RIOK3: variants seen among roughly 807,000 people sequenced by gnomAD.
RIOK3 encodes serine/threonine-protein kinase RIO3.
Under a neutral mutation model 63.5 loss-of-function variants are expected in RIOK3, and 40 were observed. That is an observed-to-expected ratio of 0.63 (90% CI 0.49 to 0.82). RIOK3 has a LOEUF of 0.82. Among genes scored for constraint, RIOK3 ranks in the 40% least tolerant of loss-of-function variants. The pLI, the probability that RIOK3 is intolerant of heterozygous loss-of-function variation, is 0.00. For missense variants in RIOK3, 557 were observed against 637.0 expected (o/e 0.87, Z 1.35); for synonymous variants, 193 against 205.0 (o/e 0.94, Z 0.50).
intron 9 of RIOK3, 59 bp downstream of exon 9, chr18:23,475,166 T>C: frequency 7.0e-7 from 1 of 1,431,362 alleles, no homozygotes; most frequent in East Asian, 2.3e-5. Context: ...TCCTCTAAAC[T>C]TTAAAAAAAT....
At chr18:23,458,473 G>T (rs746428712) in intron 1 of RIOK3, among the ~76,000 whole-genome samples, 1 of 152,170 alleles carries the variant, frequency 6.6e-6, no homozygotes, top group Non-Finnish European at 1.5e-5. Context: ...GAACCAGGAG[G>T]CTGGTTAAAA....
rs534065110 is a variant in RIOK3 at position 23,464,244 on chromosome 18, T to C, written c.364T>C (p.Tyr122His). The C allele has an allele frequency of 1.5e-5, 24 of 1,614,050 alleles. No individual in the cohort carries two copies. The highest frequency in any genetic ancestry group is 2.0e-5 in the Non-Finnish European group (24 of 1,180,006). Residue 122 changes from tyrosine to histidine, a missense_variant, in exon 4 of 13, where the codon TAT (tyrosine) becomes CAT (histidine). Physicochemically the swap from Tyr to His is moderately conservative, Grantham distance 83. Transcript: ENST00000339486. ...SFENYRKVHP[Y>H]EDSDSSEDEV... is the part of the protein sequence containing the mutation. ...TGAAAATTATCGAAAAGTGCATCCT[T>C]ATGAAGACAGCGATAGCTCTGAAGA...
chr18:23,456,282 C>T (rs1397289704), intron 1 of RIOK3: 1 of 152,106 alleles, frequency 6.6e-6, no homozygotes, highest in East Asian at 1.9e-4. Context: ...CCCCAAATGT[C>T]TTTTGTTTAC....
In RIOK3 at chr18:23,481,381, G is replaced by A. The variant is rs530496102; in HGVS notation, c.*102G>A. 3.9e-4 allele frequency: 267 copies of A among 682,576 alleles called. 1 individual carries two copies. The highest frequency in any genetic ancestry group is 5.7e-4 in the Non-Finnish European group (234 of 409,822). The allele number at this position is 682,576 out of a possible 1,614,324, so 42.3% of individuals were successfully genotyped here. A position where few individuals can be genotyped will look rare whatever the true frequency, so the allele number is the denominator to read the frequency against. ...TGAAATACCAAAACCTGAGGAGTGG[G>A]CAATGGTGCTTCTGTGCTTTTCCCC... On this transcript the variant is annotated 3_prime_UTR_variant, in exon 13 of 13. Coordinates refer to ENST00000339486, the MANE Select transcript of RIOK3 (RefSeq NM_003831.5).
At chr18:23,479,512 C>T in intron 12 of RIOK3, 88 bp downstream of exon 12, 1 of 677,596 alleles carries the variant, frequency 1.5e-6, no homozygotes, top group South Asian at 2.0e-5. Flanking sequence ...GTTTTATCCT[C>T]CCTTTCCCCC....
chr18:23,469,839 A>C (rs2047683), intron 7 of RIOK3, among the ~76,000 whole-genome samples: 23,901 of 152,036 alleles, frequency 0.16, 2,998 homozygotes, highest in East Asian at 0.34. Context: ...ACAATTATTC[A>C]AACAGTAATT....
chr18:23,478,477 T>C (rs1372405395), intron 11 of RIOK3, among the ~76,000 whole-genome samples: 1 of 151,326 alleles, frequency 6.6e-6, no homozygotes, highest in African/African-American at 2.4e-5. Flanking sequence ...TGGGAGGCTG[T>C]TTTACTAGGG....
chr18:23,456,028 C>T (rs1461893609), intron 1 of RIOK3, among the ~76,000 whole-genome samples: 1 of 152,186 alleles, frequency 6.6e-6, no homozygotes, highest in African/African-American at 2.4e-5. Context: ...GATCTCTTGA[C>T]ATTGTGATCC....
intron 5 of RIOK3, among the ~76,000 whole-genome samples, chr18:23,465,413 A>G (rs2145680432): frequency 6.6e-6 from 1 of 152,314 alleles, no homozygotes; most frequent in South Asian, 2.1e-4. Flanking sequence ...TCCTTCATAA[A>G]TATTGTGGTT....
At chr18:23,470,256 C>T (rs2145690811) in intron 7 of RIOK3, among the ~76,000 whole-genome samples, 1 of 151,848 alleles carries the variant, frequency 6.6e-6, no homozygotes, top group South Asian at 2.1e-4. Context: ...CTCCCAGCTA[C>T]TTGGGAGGCT....
chr18:23,464,175 A>C lies in RIOK3; in HGVS notation c.326-31A>C. ...AGAAAACACTCATAATGTGCTCCTA[A>C]GTAAATCTTCAACTATTTTTGCTTC... On this transcript the variant is annotated intron_variant, in intron 3 of 12. Coordinates refer to ENST00000339486, the MANE Select transcript of RIOK3 (RefSeq NM_003831.5). 1.9e-6 allele frequency: 3 copies of C among 1,610,258 alleles called. No homozygotes were observed. The South Asian group carries it at 3.3e-5, about 18-fold the overall frequency.
intron 9 of RIOK3, among the ~76,000 whole-genome samples, 153 bp downstream of exon 9, chr18:23,475,260 G>C (rs2057481819): frequency 6.6e-6 from 1 of 152,092 alleles, no homozygotes. Flanking sequence ...CTTGAGCCCA[G>C]GAGTTTGAGA....
At chr18:23,456,170 A>G (rs779206411) in intron 1 of RIOK3, among the ~76,000 whole-genome samples, 2 of 151,838 alleles carry the variant, frequency 1.3e-5, no homozygotes, top group Non-Finnish European at 2.9e-5. Context: ...GGGCTCAAGC[A>G]GTACCCCACC....
chr18:23,458,584 G>C (rs1334433888), intron 1 of RIOK3, among the ~76,000 whole-genome samples: 2 of 152,224 alleles, frequency 1.3e-5, no homozygotes, highest in African/African-American at 2.4e-5. Flanking sequence ...TTGATGAATG[G>C]AATAGTAGGA....
At chr18:23,467,309 C>T (rs530928111) in intron 6 of RIOK3, 90 bp from the exon 7 acceptor site, 22 of 1,216,888 alleles carry the variant, frequency 1.8e-5, no homozygotes, top group Non-Finnish European at 2.3e-5. Flanking sequence ...AGCAAGACTC[C>T]GTCTCAAAAA....
chr18:23,480,363 T>G (rs2057522859), intron 12 of RIOK3, among the ~76,000 whole-genome samples: 1 of 152,168 alleles, frequency 6.6e-6, no homozygotes. Flanking sequence ...AGTTGCTCAG[T>G]AAGTAAGTGA....
intron 9 of RIOK3, among the ~76,000 whole-genome samples, chr18:23,476,726 G>GT (rs1039541221): frequency 2.0e-5 from 3 of 152,044 alleles, no homozygotes; most frequent in African/African-American, 7.2e-5. Flanking sequence ...AACTAACATG[G>GT]TGAAACCCCA....
chr18:23,464,610 C>A lies in RIOK3; in HGVS notation c.525C>A (p.Asn175Lys). ...KHDEVVCGRKNTARMENFAPE... is the reference protein window; with the variant it reads ...KHDEVVCGRKKTARMENFAPE... ...ATGAAGTAGTATGTGGGAGAAAGAA[C>A]ACAGCAAGAATGGAAAATGTAAGTT... The change falls in exon 5 of 13, where the codon AAC becomes AAA. Residue 175 changes from asparagine (N) to lysine (K), a missense_variant. Physicochemically the swap from Asn to Lys is moderately conservative, Grantham distance 94. Around this residue, in one of 3 missense-constraint regions of RIOK3, gnomAD observed 243 missense variants for 275.4 expected, o/e 0.88. Coordinates refer to ENST00000339486, the MANE Select transcript of RIOK3 (RefSeq NM_003831.5). 3 of 1,588,438 alleles carry A rather than the reference C, an allele frequency of 1.9e-6. No individual in the cohort carries two copies. Among genetic ancestry groups the A allele is most frequent in the Non-Finnish European group, 2.6e-6 (3 of 1,168,326 alleles).
intron 5 of RIOK3, among the ~76,000 whole-genome samples, chr18:23,465,214 A>G (rs1244855789): frequency 6.6e-6 from 1 of 152,126 alleles, no homozygotes; most frequent in Non-Finnish European, 1.5e-5. Flanking sequence ...TCTACTAAAA[A>G]TACAAAATTA....
Sources: gnomAD v4.1 joint callset for allele counts (sites outside exome capture counted in the v4.1 genomes callset) on GRCh38, gnomAD v4.1.1 for gene constraint, gnomAD v4.1.1 regional missense constraint, MANE v1.5 for transcripts, NCBI Gene and HGNC (gene_info 2026-07-23, HGNC 2026-07-21) for gene names.